Variants in MAGI3 observed in about 807,000 individuals in gnomAD.
MAGI3 encodes the protein membrane-associated guanylate kinase, WW and PDZ domain-containing protein 3.
A neutral mutation model predicts 121.8 loss-of-function variants in MAGI3; 43 were observed. The ratio of observed to expected loss-of-function variants is 0.35; its 90% CI spans 0.28 to 0.46. The LOEUF (loss-of-function observed/expected upper bound fraction) is 0.46. Ranked by LOEUF, MAGI3 falls within the 20% of genes least tolerant of loss-of-function variation. The pLI is 1.00. For synonymous variants in MAGI3, 553 were observed against 639.3 expected (o/e 0.86, Z 2.04); for missense variants, 1,547 against 1,797.3 (o/e 0.86, Z 2.52).
chr1:113,524,422 G>A (rs1481394842), intron 1 of MAGI3, among the ~76,000 whole-genome samples: 1 of 152,076 alleles, frequency 6.6e-6, no homozygotes, highest in Non-Finnish European at 1.5e-5. Context: ...GCTGTACCCT[G>A]CAAAGCCACA....
At chr1:113,559,835 T>C (rs1660149915) in intron 2 of MAGI3, among the ~76,000 whole-genome samples, 1 of 152,180 alleles carries the variant, frequency 6.6e-6, no homozygotes, top group South Asian at 2.1e-4. Flanking sequence ...CCTGCCAAAG[T>C]CCTGTGATTA....
chr1:113,682,563 C>A, intron 20 of MAGI3: 1 of 1,213,332 alleles, frequency 8.2e-7, no homozygotes, highest in East Asian at 3.8e-5. Flanking sequence ...GCTTCTTGGG[C>A]CACGTAATTT....
At chr1:113,438,957 CT>C (rs1344551031) in intron 1 of MAGI3, among the ~76,000 whole-genome samples, 20 of 152,244 alleles carry the variant, frequency 1.3e-4, no homozygotes, top group African/African-American at 4.6e-4. Flanking sequence ...GAACTTTTAC[CT>C]TTTCACTTAA....
In MAGI3 at chr1:113,581,949, G is replaced by T. The variant is rs539773985; in HGVS notation, c.553+1288G>T. Reference sequence around the variant, plus strand: ...TTGAAGTTTTTTTTTGTTTGTTTTTGTTTTTTTTTAAGAAGCCCTCTCCCC... The same window carrying T: ...TTGAAGTTTTTTTTTGTTTGTTTTTTTTTTTTTTTAAGAAGCCCTCTCCCC... On this transcript the variant is annotated intron_variant, in intron 3 of 20. Transcript: ENST00000307546. Among the ~76,000 whole-genome samples the T allele has an allele frequency of 7.1e-4, 106 of 149,506 alleles. 1 individual carries two copies. Among genetic ancestry groups the T allele is most frequent in the Non-Finnish European group, 1.2e-3 (78 of 67,036 alleles).
intron 1 of MAGI3, among the ~76,000 whole-genome samples, chr1:113,490,676 GA>G (rs1026439300): frequency 6.6e-6 from 1 of 152,114 alleles, no homozygotes; most frequent in African/African-American, 2.4e-5. Flanking sequence ...AAGGGATGGA[GA>G]AAAATCTATC....
chr1:113,664,897 A>C (rs190669502), intron 16 of MAGI3, among the ~76,000 whole-genome samples: 28 of 152,222 alleles, frequency 1.8e-4, no homozygotes, highest in African/African-American at 6.7e-4. Context: ...TCAGTAGTAC[A>C]GTTTTGTTTT....
intron 1 of MAGI3, among the ~76,000 whole-genome samples, chr1:113,494,478 C>A (rs1212377408): frequency 6.6e-6 from 1 of 152,152 alleles, no homozygotes; most frequent in Non-Finnish European, 1.5e-5. Context: ...TATAACAAAC[C>A]TGCATGTGTA....
In MAGI3 at chr1:113,643,786, C is replaced by T; in HGVS notation, c.1998+12C>T. 2 of 1,612,134 alleles carry T rather than the reference C, an allele frequency of 1.2e-6. No individual in the cohort carries two copies. Among genetic ancestry groups the T allele is most frequent in the Non-Finnish European group, 1.7e-6 (2 of 1,178,452 alleles). On this transcript the variant is annotated intron_variant, in intron 11 of 20. Coordinates refer to ENST00000307546, the MANE Select transcript of MAGI3 (RefSeq NM_001142782.2). The stretch of plus-strand genomic sequence containing the variant: ...AAACTGCCAAAATGGTGAGTATACA[C>T]TGGTCCTCAAATCTTTTCCCCAACA...
intron 1 of MAGI3, among the ~76,000 whole-genome samples, chr1:113,473,749 C>G (rs1655664171): frequency 6.6e-6 from 1 of 152,140 alleles, no homozygotes; most frequent in South Asian, 2.1e-4. Context: ...GTCTTTATAG[C>G]AGCATGATTT....
chr1:113,400,039 G>A (rs368407685), intron 1 of MAGI3, among the ~76,000 whole-genome samples: 18 of 152,174 alleles, frequency 1.2e-4, no homozygotes, highest in African/African-American at 4.3e-4. Flanking sequence ...TATAAAATGG[G>A]TATATAAGAG....
chr1:113,521,447 G>T (rs1244407396), intron 1 of MAGI3, among the ~76,000 whole-genome samples: 5 of 140,262 alleles, frequency 3.6e-5, no homozygotes, highest in African/African-American at 1.3e-4. Context: ...TTGCTCTGTC[G>T]CCCAGGCTGG....
At chr1:113,638,494 A>G (rs1334620547) in intron 9 of MAGI3, among the ~76,000 whole-genome samples, 7 of 152,148 alleles carry the variant, frequency 4.6e-5, no homozygotes, top group Non-Finnish European at 7.3e-5. Flanking sequence ...CTAGAGGTCC[A>G]CTCCCTACCC....
intron 1 of MAGI3, among the ~76,000 whole-genome samples, chr1:113,434,302 G>T (rs1318213138): frequency 6.6e-6 from 1 of 152,142 alleles, no homozygotes; most frequent in Non-Finnish European, 1.5e-5. Flanking sequence ...AGGCAAGGTG[G>T]CTCATGCCTG....
intron 13 of MAGI3, among the ~76,000 whole-genome samples, chr1:113,650,575 G>A (rs747982317): frequency 4.6e-5 from 7 of 152,194 alleles, no homozygotes; most frequent in South Asian, 2.1e-4. Flanking sequence ...AACTTGTACC[G>A]TTAGTCATAT....
chr1:113,558,422 T>A (rs949803101), intron 2 of MAGI3, among the ~76,000 whole-genome samples: 1 of 152,132 alleles, frequency 6.6e-6, no homozygotes, highest in Non-Finnish European at 1.5e-5. Flanking sequence ...ATCACAAGTA[T>A]TCATAGCAGA....
intron 1 of MAGI3, among the ~76,000 whole-genome samples, chr1:113,538,556 C>A (rs1659112984): frequency 6.6e-6 from 1 of 152,034 alleles, no homozygotes; most frequent in African/African-American, 2.4e-5. Flanking sequence ...TTTTTAAGTA[C>A]TAAATGTTCA....
At chr1:113,623,678 G>A (rs1195296706) in intron 9 of MAGI3, among the ~76,000 whole-genome samples, 1 of 151,978 alleles carries the variant, frequency 6.6e-6, no homozygotes, top group Non-Finnish European at 1.5e-5. Context: ...TAGTAGAGAC[G>A]AGGTTTCACC....
At chr1:113,681,432 T>C (rs1648211139) in intron 20 of MAGI3, 96 bp downstream of exon 20, 1 of 1,341,382 alleles carries the variant, frequency 7.5e-7, no homozygotes, top group Non-Finnish European at 1.0e-6. Context: ...GATATTTTAC[T>C]AGTTAATTCA....
chr1:113,626,553 G>T (rs917280167), intron 9 of MAGI3, among the ~76,000 whole-genome samples: 5 of 152,056 alleles, frequency 3.3e-5, no homozygotes, highest in Non-Finnish European at 7.4e-5. Flanking sequence ...TTAAATGCTT[G>T]GTAGAATTCA....
Sources: allele counts gnomAD v4.1 joint callset (sites outside exome capture counted in the v4.1 genomes callset), GRCh38; gene constraint gnomAD v4.1.1; transcripts MANE v1.5; gene names NCBI Gene and HGNC (gene_info 2026-07-23, HGNC 2026-07-21).